Variants in PRR14L observed in about 807,000 individuals in gnomAD.
The protein encoded by PRR14L is proline rich 14 like, also known as protein PRR14L.
In PRR14L, 80 loss-of-function variants were observed where a neutral mutation model predicts 155.0. That is an observed-to-expected ratio of 0.52 (90% CI 0.43 to 0.62). The LOEUF (loss-of-function observed/expected upper bound fraction) is 0.62. Ranked by LOEUF, PRR14L falls within the 20% of genes least tolerant of loss-of-function variation. PRR14L has a pLI of 0.00. For synonymous variants in PRR14L, 883 were observed against 916.0 expected (o/e 0.96, Z 0.65); for missense variants, 2,469 against 2,548.0 (o/e 0.97, Z 0.67).
intron 4 of PRR14L, among the ~76,000 whole-genome samples, chr22:31,708,838 T>C (rs1005965482): frequency 2.0e-5 from 3 of 152,034 alleles, no homozygotes; most frequent in African/African-American, 2.4e-5. Flanking sequence ...TTATTTTTTA[T>C]TTTTTGAGAC....
chr22:31,742,851 G>A (rs2147878184), intron 1 of PRR14L, among the ~76,000 whole-genome samples: 1 of 152,284 alleles, frequency 6.6e-6, no homozygotes, highest in East Asian at 1.9e-4. Context: ...TAAACAAAAT[G>A]TGGTATAGCC....
chr22:31,710,571 G>C (rs1175574225), intron 4 of PRR14L, among the ~76,000 whole-genome samples: 1 of 151,176 alleles, frequency 6.6e-6, no homozygotes, highest in Non-Finnish European at 1.5e-5. Context: ...TCCTGCCTCA[G>C]CCTCCCGAGT....
At chr22:31,718,224 G>A (rs1047745117) in intron 3 of PRR14L, among the ~76,000 whole-genome samples, 1 of 150,510 alleles carries the variant, frequency 6.6e-6, no homozygotes, top group African/African-American at 2.4e-5. Flanking sequence ...CACCACGCCC[G>A]GCCCGCCCAG....
Position 31,716,990 on chromosome 22 carries a change from T to C in PRR14L, c.849A>G (p.Leu283=). 1.9e-6 allele frequency: 3 copies of C among 1,551,726 alleles called. No homozygotes were observed. The highest frequency in any genetic ancestry group is 2.6e-6 in the Non-Finnish European group (3 of 1,146,888). Residue 283 remains leucine (L), a synonymous_variant, in exon 4 of 9, where the codon TTA becomes TTG. Transcript: ENST00000327423. ...CATTAGAAATGGCACTGTTTCCTGG[T>C]AATGACAACCAAGGACAACTTTTTA... is the stretch of plus-strand genomic sequence containing the variant. ...EELKSCPWLS[L]PGNSAISNVD...
At chr22:31,749,681 C>G (rs768990214) in intron 1 of PRR14L, among the ~76,000 whole-genome samples, 1 of 152,198 alleles carries the variant, frequency 6.6e-6, no homozygotes, top group Non-Finnish European at 1.5e-5. Context: ...CGTACGCCTC[C>G]GATAAGGGGC....
Position 31,682,732 on chromosome 22 carries a change from G to C in PRR14L, c.*2795C>G, listed in dbSNP as rs2074460942. On this transcript the variant is annotated 3_prime_UTR_variant, in exon 9 of 9. Coordinates refer to ENST00000327423, the MANE Select transcript of PRR14L (RefSeq NM_173566.3). Reference sequence around the variant, plus strand: ...GGAAGTGATAGTTGAGTAAGCTGTAGTTAACTGTAACTTCCCACCACTTGG... The same window carrying C: ...GGAAGTGATAGTTGAGTAAGCTGTACTTAACTGTAACTTCCCACCACTTGG... 6.6e-6 allele frequency: 1 copy of C among 152,142 alleles called. No homozygotes were observed. Among genetic ancestry groups the C allele is most frequent in the African/African-American group, 2.4e-5 (1 of 41,428 alleles). 9.4% of individuals were successfully genotyped at this position (152,142 alleles called of 1,614,324 possible).
intron 7 of PRR14L, among the ~76,000 whole-genome samples, chr22:31,699,387 C>A (rs1273535618): frequency 6.6e-6 from 1 of 152,202 alleles, no homozygotes. Flanking sequence ...TTATTAAGAA[C>A]ATCCATAACT....
chr22:31,720,578 CA>C (rs1410561177), intron 3 of PRR14L, among the ~76,000 whole-genome samples: 1 of 151,902 alleles, frequency 6.6e-6, no homozygotes, highest in South Asian at 2.1e-4. Context: ...ACTAAAAATA[CA>C]AAAAAATCAG....
At chr22:31,711,652 C>T (rs1394450787) in intron 4 of PRR14L, among the ~76,000 whole-genome samples, 1 of 151,378 alleles carries the variant, frequency 6.6e-6, no homozygotes, top group Non-Finnish European at 1.5e-5. Context: ...GGTGTGGTGG[C>T]GCATGCCTGT....
intron 4 of PRR14L, among the ~76,000 whole-genome samples, chr22:31,711,104 A>G (rs1410110938): frequency 1.3e-5 from 2 of 152,166 alleles, no homozygotes; most frequent in African/African-American, 4.8e-5. Flanking sequence ...TAATGTTACA[A>G]GCGATTGTGT....
chr22:31,749,615 CG>C (rs975273310), intron 1 of PRR14L, among the ~76,000 whole-genome samples: 9 of 152,320 alleles, frequency 5.9e-5, no homozygotes, highest in Admixed American at 4.6e-4. Context: ...GAATCCCCCT[CG>C]AACCCTGGGA....
At position 31,701,712 on chromosome 22, in the gene PRR14L, T is replaced by G; in HGVS notation, c.6051A>C (p.Lys2017Asn). ...PKKVSQIRIR[K>N]TIPRPDPNLT... ...GATTAGGATCTGGCCTAGGAATGGT[T>G]TTCCGGATGCGAATCTGTGAGACTT... The change falls in exon 7 of 9, where the codon AAA (lysine) becomes AAC (asparagine). Residue 2017 changes from lysine to asparagine, a missense_variant. Physicochemically the swap from Lys to Asn is moderately conservative, Grantham distance 94 (BLOSUM62 0). This residue lies in a region of PRR14L where 106 missense variants were observed against 176.4 expected (regional missense o/e 0.60). Coordinates refer to ENST00000327423, the MANE Select transcript of PRR14L (RefSeq NM_173566.3). 1 of 1,614,184 alleles carries G rather than the reference T, an allele frequency of 6.2e-7. No individual in the cohort carries two copies. The highest frequency in any genetic ancestry group is 8.5e-7 in the Non-Finnish European group (1 of 1,180,010).
intron 1 of PRR14L, among the ~76,000 whole-genome samples, chr22:31,742,613 C>T (rs1601519568): frequency 6.6e-6 from 1 of 152,194 alleles, no homozygotes; most frequent in African/African-American, 2.4e-5. Context: ...GTAATCCGCC[C>T]GCCTCGGCCT....
rs1036253756 is a variant in PRR14L, at chr22:31,713,119, T to C, written c.4720A>G (p.Thr1574Ala). The C allele has an allele frequency of 4.5e-6, 7 of 1,552,104 alleles. No homozygotes were observed. The highest frequency in any genetic ancestry group is 6.1e-6 in the Non-Finnish European group (7 of 1,147,104). Residue 1574 changes from threonine to alanine, a missense_variant, in exon 4 of 9, where the codon ACA becomes GCA. Physicochemically the swap from Thr to Ala is moderately conservative, Grantham distance 58. Around this residue, in one of 2 missense-constraint regions of PRR14L, gnomAD observed 2,363 missense variants for 2,371.6 expected, o/e 1.00. Transcript: ENST00000327423. ...GGTGCTGTTTCAGGTTCTAATCGTG[T>C]AGGTGCAGACAGAGTACACAAACTG... ...LLSLCTLSAP[T>A]RLEPETAPTK...
intron 1 of PRR14L, among the ~76,000 whole-genome samples, chr22:31,747,823 A>C (rs1002982195): frequency 7.3e-5 from 11 of 151,358 alleles, no homozygotes; most frequent in Admixed American, 6.6e-4. Context: ...AAAAAAAAAA[A>C]CAAAAACAGG....
Position 31,713,095 on chromosome 22 carries a change from G to C in PRR14L, c.4744C>G (p.Pro1582Ala). The C allele has an allele frequency of 6.4e-7, 1 of 1,552,314 alleles. No individual in the cohort carries two copies. The highest frequency in any genetic ancestry group is 8.7e-7 in the Non-Finnish European group (1 of 1,147,138). ...ATGTGACTAACCAAGCTCTTGGTAG[G>C]TGCTGTTTCAGGTTCTAATCGTGTA... ...APTRLEPETA[P>A]TKSLVSHIPK... Residue 1582 changes from proline to alanine, a missense_variant, in exon 4 of 9, where the codon CCT (proline) becomes GCT (alanine). Coordinates refer to ENST00000327423, the MANE Select transcript of PRR14L (RefSeq NM_173566.3).
intron 1 of PRR14L, among the ~76,000 whole-genome samples, chr22:31,748,421 G>C (rs942858960): frequency 2.9e-5 from 4 of 136,416 alleles, no homozygotes; most frequent in African/African-American, 5.8e-5. Flanking sequence ...TCCAGAAAAA[G>C]GATCCCTGTC....
intron 1 of PRR14L, among the ~76,000 whole-genome samples, chr22:31,740,607 T>A (rs769431414): frequency 4.6e-5 from 7 of 151,996 alleles, no homozygotes; most frequent in Non-Finnish European, 1.0e-4. Flanking sequence ...GCAATCCTCC[T>A]GCCTTGGCCC....
chr22:31,720,660 C>T lies in PRR14L; in HGVS notation c.548-3369G>A, dbSNP rs543697635. ...TGAGGCAGGACAATCGCTTGAGCCC[C>T]GGAAGCGAAGGTTGCAGTGAGCCAA... On this transcript the variant is annotated intron_variant, in intron 3 of 8. Coordinates refer to ENST00000327423, the MANE Select transcript of PRR14L (RefSeq NM_173566.3). Among the ~76,000 whole-genome samples, 92 of 152,232 alleles carry T rather than the reference C, an allele frequency of 6.0e-4. 2 individuals are homozygous for T. The South Asian group carries it at 0.014, about 23-fold the overall frequency.
Sources: gnomAD v4.1 joint callset for allele counts (sites outside exome capture counted in the v4.1 genomes callset) on GRCh38, gnomAD v4.1.1 for gene constraint, gnomAD v4.1.1 regional missense constraint, MANE v1.5 for transcripts, NCBI Gene and HGNC (gene_info 2026-07-23, HGNC 2026-07-21) for gene names.